ANKRD42: variants seen among roughly 807,000 people sequenced by gnomAD.
ANKRD42 encodes the protein ankyrin repeat domain 42, also known as ankyrin repeat domain-containing protein 42.
Under a neutral mutation model 51.5 loss-of-function variants are expected in ANKRD42, and 43 were observed. That is an observed-to-expected ratio of 0.83 (90% CI 0.65 to 1.08). ANKRD42 has a LOEUF of 1.08. Among genes scored for constraint, ANKRD42 ranks in the 50% least tolerant of loss-of-function variants. The pLI is 0.00. For missense variants in ANKRD42, 608 were observed against 629.3 expected (o/e 0.97, Z 0.36); for synonymous variants, 203 against 213.0 (o/e 0.95, Z 0.41).
At chr11:83,226,415 T>C (rs1862887682) in intron 6 of ANKRD42, among the ~76,000 whole-genome samples, 1 of 152,222 alleles carries the variant, frequency 6.6e-6, no homozygotes. Flanking sequence ...AAGATCTTCT[T>C]GATACTTGGT....
At position 83,193,755 on chromosome 11, in the gene ANKRD42, G is replaced by A. The variant is rs1465508070; in HGVS notation, c.-916G>A. On this transcript the variant is annotated 5_prime_UTR_variant, in exon 1 of 11. Transcript: ENST00000533342. ...GGCCCTGCTGCCTCTCCAGCCAAGT[G>A]GCTGGAGTCGGGAGGCTGGAAAGAG... 1 of 435,974 alleles carries A rather than the reference G, an allele frequency of 2.3e-6. No individual in the cohort carries two copies. The highest frequency in any genetic ancestry group is 4.6e-6 in the Non-Finnish European group (1 of 217,790). 27.0% of individuals were successfully genotyped at this position (435,974 alleles called of 1,614,324 possible). A position where few individuals can be genotyped will look rare whatever the true frequency, so the allele number is the denominator to read the frequency against.
intron 3 of ANKRD42, chr11:83,209,783 C>A (rs1862233007): frequency 3.4e-6 from 2 of 586,946 alleles, no homozygotes; most frequent in African/African-American, 3.7e-5. Context: ...GTGCTGGTAA[C>A]TGCTTTGCTT....
At chr11:83,250,428 T>A (rs369220341), downstream of ANKRD42, among the ~76,000 whole-genome samples, 24 of 152,288 alleles carry the variant, frequency 1.6e-4, no homozygotes, top group East Asian at 3.9e-3. Flanking sequence ...ATATATATAT[T>A]TTTGATCCCA....
downstream of ANKRD42, chr11:83,259,207 T>C (rs1213094712): frequency 6.6e-6 from 1 of 152,192 alleles, no homozygotes; most frequent in African/African-American, 2.4e-5. Flanking sequence ...TAATTGCTGT[T>C]TCATAGTGAA....
Position 83,224,835 on chromosome 11 carries a change from T to C in ANKRD42, c.587-20T>C. On this transcript the variant is annotated intron_variant, in intron 5 of 10. Transcript: ENST00000533342. ...TTTTAAAAAATAAAAATTAAATTAA[T>C]TTTTTTTCCTTTCCTCTAGTTCACT... 1.3e-6 allele frequency: 2 copies of C among 1,524,930 alleles called. No individual in the cohort carries two copies. The highest frequency in any genetic ancestry group is 1.8e-6 in the Non-Finnish European group (2 of 1,135,794). 94.5% of individuals were successfully genotyped at this position (1,524,930 alleles called of 1,614,324 possible).
rs1199776966 is a variant in ANKRD42 at position 83,245,627 on chromosome 11, A to T, written c.1322+3A>T. 1.1e-5 allele frequency: 17 copies of T among 1,534,106 alleles called. No homozygotes were observed. In the East Asian group the frequency reaches 4.2e-4, roughly 38 times the overall value. The stretch of plus-strand genomic sequence containing the variant: ...AAAGAACAGCTTGAGTCTGAAAAGT[A>T]ATGTCCTTAAAACTTTAATGATTTG... On this transcript the variant is annotated splice_donor_region_variant and intron_variant, in intron 10 of 10. Transcript: ENST00000533342.
intron 9 of ANKRD42, among the ~76,000 whole-genome samples, chr11:83,242,675 T>C (rs607265): frequency 0.72 from 108,191 of 151,292 alleles, 39,518 homozygotes; most frequent in African/African-American, 0.85. Flanking sequence ...AGGCAGTTCT[T>C]CTGCCTCAGC....
chr11:83,208,563 C>T (rs901028946), intron 3 of ANKRD42, among the ~76,000 whole-genome samples: 1 of 151,976 alleles, frequency 6.6e-6, no homozygotes, highest in African/African-American at 2.4e-5. Context: ...AATCACTAAC[C>T]AGAGAGGGTA....
chr11:83,240,563 G>A (rs562640898), intron 8 of ANKRD42, among the ~76,000 whole-genome samples, 196 bp from the exon 9 acceptor site: 21 of 152,232 alleles, frequency 1.4e-4, no homozygotes, highest in East Asian at 3.9e-4. Flanking sequence ...ATAATTGTCC[G>A]TAGTGCCAAG....
chr11:83,221,540 A>G (rs72952672), intron 5 of ANKRD42, among the ~76,000 whole-genome samples: 6,977 of 152,010 alleles, frequency 0.046, 311 homozygotes, highest in African/African-American at 0.11. Context: ...TTGTATAGAG[A>G]TTCTTTGTAA....
chr11:83,247,197 C>T (rs947619518), intron 10 of ANKRD42, among the ~76,000 whole-genome samples: 6 of 151,692 alleles, frequency 4.0e-5, no homozygotes, highest in South Asian at 2.1e-4. Flanking sequence ...TAGAAAAGTA[C>T]CTCATGGTGG....
chr11:83,233,787 A>G (rs1863149515), intron 7 of ANKRD42, among the ~76,000 whole-genome samples: 1 of 152,154 alleles, frequency 6.6e-6, no homozygotes, highest in Admixed American at 6.5e-5. Context: ...GGTTCAAGCA[A>G]TTCTCCTGAC....
chr11:83,257,448 T>G (rs1863794615), downstream of ANKRD42: 3 of 387,652 alleles, frequency 7.7e-6, no homozygotes, highest in Non-Finnish European at 1.5e-5. Context: ...CCATAGTTGT[T>G]TTTTGGTCAG....
At chr11:83,251,624 C>T (rs989673296), downstream of ANKRD42, among the ~76,000 whole-genome samples, 2 of 152,198 alleles carry the variant, frequency 1.3e-5, no homozygotes, top group Non-Finnish European at 2.9e-5. Context: ...TTATAAACCC[C>T]TCACATTCCC....
chr11:83,241,010 A>G, intron 9 of ANKRD42, 76 bp downstream of exon 9: 1 of 1,476,130 alleles, frequency 6.8e-7, no homozygotes, highest in Non-Finnish European at 9.1e-7. Context: ...TTTGGAAACT[A>G]TTCTAAAGAC....
At position 83,227,835 on chromosome 11, in the gene ANKRD42, T is replaced by C. The variant is rs1438533480; in HGVS notation, c.876T>C (p.Asn292=). 3.1e-6 allele frequency: 5 copies of C among 1,612,988 alleles called. No individual in the cohort carries two copies. The highest frequency in any genetic ancestry group is 4.2e-6 in the Non-Finnish European group (5 of 1,179,658). Residue 292 remains asparagine, a synonymous_variant, in exon 7 of 11, where the codon AAT becomes AAC. Coordinates refer to ENST00000533342, the MANE Select transcript of ANKRD42 (RefSeq NM_001300975.2). ...KLVEDGVINI[N]ERADNGSTPM... ...TGGAAGATGGAGTAATCAATATTAA[T>C]GAGCGTGCTGATAATGGATCAACTC...
intron 7 of ANKRD42, among the ~76,000 whole-genome samples, 175 bp downstream of exon 7, chr11:83,228,047 G>A (rs903504461): frequency 1.3e-5 from 2 of 151,972 alleles, no homozygotes; most frequent in African/African-American, 2.4e-5. Context: ...CAAGTGTAAT[G>A]TTTCTTTTAT....
chr11:83,249,656 A>G (rs144704887), downstream of ANKRD42, among the ~76,000 whole-genome samples: 1,892 of 152,180 alleles, frequency 0.012, 40 homozygotes, highest in African/African-American at 0.043. Context: ...CACTCTACCA[A>G]CAATGTGTAG....
rs1370983881 is a variant in ANKRD42, at chr11:83,227,871, A to G, written c.912A>G (p.Lys304=). The part of the protein sequence containing the change: ...RADNGSTPMH[K]AAGQGHIECL... ...ATAATGGATCAACTCCTATGCATAAAGGTGAGTTATGATTCCTCCTTTCAG... is the reference window on the plus strand; with the variant it reads ...ATAATGGATCAACTCCTATGCATAAGGGTGAGTTATGATTCCTCCTTTCAG... The change falls in exon 7 of 11, where the codon AAA becomes AAG. Residue 304 remains lysine, a splice_region_variant and synonymous_variant. Coordinates refer to ENST00000533342, the MANE Select transcript of ANKRD42 (RefSeq NM_001300975.2). 3 of 1,600,336 alleles carry G rather than the reference A, an allele frequency of 1.9e-6. No individual in the cohort carries two copies. Among genetic ancestry groups the G allele is most frequent in the South Asian group, 1.1e-5 (1 of 88,000 alleles).
Sources: allele counts gnomAD v4.1 joint callset (sites outside exome capture counted in the v4.1 genomes callset), GRCh38; gene constraint gnomAD v4.1.1; transcripts MANE v1.5; gene names NCBI Gene and HGNC (gene_info 2026-07-23, HGNC 2026-07-21).